Variants in PALLD observed in about 807,000 individuals in gnomAD.
PALLD encodes the protein palladin, cytoskeletal associated protein, also known as palladin.
Under a neutral mutation model 123.5 loss-of-function variants are expected in PALLD, and 61 were observed. The observed-to-expected ratio is 0.49, with a 90% confidence interval of 0.40 to 0.61. PALLD has a LOEUF of 0.61. Among genes scored for constraint, PALLD ranks in the 20% least tolerant of loss-of-function variants. The pLI, the probability that PALLD is intolerant of heterozygous loss-of-function variation, is 0.00. For synonymous variants in PALLD, 465 were observed against 496.4 expected (o/e 0.94, Z 0.84); for missense variants, 1,273 against 1,377.0 (o/e 0.92, Z 1.20).
At chr4:168,878,275 G>A in intron 10 of PALLD, 1 of 1,526,118 alleles carries the variant, frequency 6.6e-7, no homozygotes, top group East Asian at 2.5e-5. Context: ...ACTGCTCGTC[G>A]CCTGCCACCC....
chr4:168,813,739 T>C lies in PALLD; in HGVS notation c.1965-77183T>C, dbSNP rs112868969. ...CCTCACCAGTAGCTGGGATTACAGA[T>C]GTGAGCTGCTGTATGATTCTGTCTC... On this transcript the variant is annotated intron_variant, in intron 10 of 21. Transcript: ENST00000505667. Among the ~76,000 whole-genome samples, 279 of 152,290 alleles carry C rather than the reference T, an allele frequency of 1.8e-3. 1 individual carries two copies. Among genetic ancestry groups the C allele is most frequent in the African/African-American group, 5.2e-3 (216 of 41,568 alleles).
intron 10 of PALLD, among the ~76,000 whole-genome samples, chr4:168,848,862 T>C (rs1747300962): frequency 1.3e-5 from 2 of 152,336 alleles, no homozygotes; most frequent in African/African-American, 2.4e-5. Flanking sequence ...TTTCAAGATG[T>C]TCATTCTCTA....
At chr4:168,545,697 T>C (rs1045227428) in intron 2 of PALLD, among the ~76,000 whole-genome samples, 2 of 152,200 alleles carry the variant, frequency 1.3e-5, no homozygotes, top group Non-Finnish European at 2.9e-5. Flanking sequence ...TGTGTGACTA[T>C]TGCACTGCTC....
intron 10 of PALLD, among the ~76,000 whole-genome samples, chr4:168,823,193 C>T (rs1213761395): frequency 6.6e-6 from 1 of 151,994 alleles, no homozygotes; most frequent in Non-Finnish European, 1.5e-5. Flanking sequence ...TCTTGGGTTG[C>T]CCAAAGTGTC....
At chr4:168,858,604 G>A (rs1444328492) in intron 10 of PALLD, among the ~76,000 whole-genome samples, 1 of 151,974 alleles carries the variant, frequency 6.6e-6, no homozygotes, top group African/African-American at 2.4e-5. Context: ...GCAACACAGG[G>A]AGACCCCATC....
At chr4:168,630,784 A>G (rs1199712056) in intron 2 of PALLD, among the ~76,000 whole-genome samples, 6 of 152,220 alleles carry the variant, frequency 3.9e-5, no homozygotes, top group Admixed American at 1.3e-4. Flanking sequence ...AGATGGAAGT[A>G]GTGAAATAAT....
chr4:168,623,015 A>G (rs1774910099), intron 2 of PALLD, among the ~76,000 whole-genome samples: 1 of 152,248 alleles, frequency 6.6e-6, no homozygotes, highest in South Asian at 2.1e-4. Flanking sequence ...CTATCAAGGT[A>G]CTTATTATTG....
At chr4:168,861,181 T>C (rs1275944703) in intron 10 of PALLD, among the ~76,000 whole-genome samples, 2 of 152,256 alleles carry the variant, frequency 1.3e-5, no homozygotes, top group East Asian at 1.9e-4. Context: ...ACTAATTACT[T>C]GCAAAGAATT....
chr4:168,670,856 A>C (rs996553246), intron 3 of PALLD, among the ~76,000 whole-genome samples: 1 of 149,754 alleles, frequency 6.7e-6, no homozygotes, highest in African/African-American at 2.5e-5. Flanking sequence ...GAGGCCAAGG[A>C]GGAGATCAAG....
intron 10 of PALLD, among the ~76,000 whole-genome samples, chr4:168,785,379 A>G (rs1736568683): frequency 6.6e-6 from 1 of 152,166 alleles, no homozygotes; most frequent in Non-Finnish European, 1.5e-5. Context: ...CATGCTGTGC[A>G]TCACCCAACC....
rs1339315104 is a variant in PALLD, at chr4:168,512,349, T to G, written c.845T>G (p.Val282Gly). 1 of 1,614,024 alleles carries G rather than the reference T, an allele frequency of 6.2e-7. No homozygotes were observed. Among genetic ancestry groups the G allele is most frequent in the Non-Finnish European group, 8.5e-7 (1 of 1,180,034 alleles). ...ATCCAAAAGCTGAGGAGCCAAGAAGTAGCAGAAGGGAGCCGAGTTTATCTG... is the reference window on the plus strand; with the variant it reads ...ATCCAAAAGCTGAGGAGCCAAGAAGGAGCAGAAGGGAGCCGAGTTTATCTG... ...RFIQKLRSQEVAEGSRVYLEC... is the reference protein window; with the variant it reads ...RFIQKLRSQEGAEGSRVYLEC... The change falls in exon 2 of 22, where the codon GTA (valine) becomes GGA (glycine). Residue 282 changes from valine (V) to glycine (G), a missense_variant. Coordinates refer to ENST00000505667, the MANE Select transcript of PALLD (RefSeq NM_001166108.2).
intron 10 of PALLD, among the ~76,000 whole-genome samples, chr4:168,805,601 T>C (rs769703422): frequency 1.6e-4 from 25 of 152,150 alleles, no homozygotes; most frequent in Non-Finnish European, 3.1e-4. Context: ...TTTCCACCAG[T>C]TGGAATGCCC....
chr4:168,613,745 C>G (rs11940545), intron 2 of PALLD, among the ~76,000 whole-genome samples: 13,817 of 152,138 alleles, frequency 0.091, 793 homozygotes, highest in Non-Finnish European at 0.12. Flanking sequence ...ACAGAGTGTG[C>G]CCCAAGTCAT....
intron 10 of PALLD, among the ~76,000 whole-genome samples, chr4:168,788,680 G>A (rs59947045): frequency 0.024 from 3,623 of 152,220 alleles, 147 homozygotes; most frequent in African/African-American, 0.083. Flanking sequence ...TACCACTCTG[G>A]TGAGAGATGT....
chr4:168,673,605 G>A (rs910980040), intron 3 of PALLD, among the ~76,000 whole-genome samples: 4 of 152,188 alleles, frequency 2.6e-5, no homozygotes, highest in Non-Finnish European at 4.4e-5. Flanking sequence ...CTGACTCTCT[G>A]GTTGGTAGAA....
intron 3 of PALLD, among the ~76,000 whole-genome samples, chr4:168,677,500 GA>G (rs1780979306): frequency 6.6e-6 from 1 of 152,150 alleles, no homozygotes; most frequent in African/African-American, 2.4e-5. Flanking sequence ...GAGGTCATCA[GA>G]AGGAATTTTT....
intron 10 of PALLD, among the ~76,000 whole-genome samples, chr4:168,886,043 A>G (rs1383290424): frequency 1.3e-5 from 2 of 152,222 alleles, no homozygotes; most frequent in Non-Finnish European, 2.9e-5. Context: ...CAGTAAAGGA[A>G]GATATAAGCA....
chr4:168,891,155 TC>T, intron 11 of PALLD, 98 bp downstream of exon 11: 1 of 1,133,466 alleles, frequency 8.8e-7, no homozygotes, highest in South Asian at 1.3e-5. Flanking sequence ...GTCCACAACA[TC>T]ATCATTATTA....
chr4:168,877,822 GC>G, intron 10 of PALLD: 1 of 1,287,564 alleles, frequency 7.8e-7, no homozygotes, highest in Admixed American at 3.9e-5. Context: ...CGCCGCCCTC[GC>G]CCCCCTTCCC....
Sources: allele counts gnomAD v4.1 joint callset (sites outside exome capture counted in the v4.1 genomes callset), GRCh38; gene constraint gnomAD v4.1.1; transcripts MANE v1.5; gene names NCBI Gene and HGNC (gene_info 2026-07-23, HGNC 2026-07-21).